RABGAP1L: variants seen among roughly 807,000 people sequenced by gnomAD.
RABGAP1L encodes rab GTPase-activating protein 1-like.
RABGAP1L carries 63 observed loss-of-function variants against 137.7 expected under a neutral mutation model. That is an observed-to-expected ratio of 0.46 (90% confidence interval 0.37 to 0.56). RABGAP1L has a LOEUF of 0.56. Among genes scored for constraint, RABGAP1L ranks in the 20% least tolerant of loss-of-function variants. RABGAP1L has a pLI of 0.00. For synonymous variants in RABGAP1L, 431 were observed against 433.7 expected, an observed-to-expected ratio of 0.99 and a Z score of 0.08; for missense variants, 1,095 against 1,244.0, an observed-to-expected ratio of 0.88 and a Z score of 1.80.
chr1:174,728,613 T>TG (rs1682197910), intron 17 of RABGAP1L, among the ~76,000 whole-genome samples: 2 of 149,698 alleles, frequency 1.3e-5, no homozygotes, highest in African/African-American at 5.0e-5. Context: ...TTTTTTTTTT[T>TG]TTGAGATGGA....
At chr1:174,798,911 C>T (rs567207303) in intron 18 of RABGAP1L, among the ~76,000 whole-genome samples, 2 of 152,288 alleles carry the variant, frequency 1.3e-5, no homozygotes, top group South Asian at 4.1e-4. Context: ...ATTTTGCCTT[C>T]ATTTGGCTAC....
rs1677893105 is a variant in RABGAP1L at position 174,679,528 on chromosome 1, C to T, written c.1825-3994C>T. Among the ~76,000 whole-genome samples, 3 of 152,136 alleles carry T rather than the reference C, an allele frequency of 2.0e-5. No individual in the cohort carries two copies. In the South Asian group the frequency reaches 6.2e-4, roughly 32 times the overall value. On this transcript the variant is annotated intron_variant, in intron 14 of 25. Coordinates refer to ENST00000681986, the MANE Select transcript of RABGAP1L (RefSeq NM_001366446.1). Reference sequence around the variant, plus strand: ...AAGATCTGGAAGAAGACAAAGATGTCCTTCCTCTTTGAGCACTTATATTCA... The same window carrying T: ...AAGATCTGGAAGAAGACAAAGATGTTCTTCCTCTTTGAGCACTTATATTCA...
intron 13 of RABGAP1L, among the ~76,000 whole-genome samples, chr1:174,441,884 G>C (rs1654202273): frequency 9.3e-5 from 14 of 150,550 alleles, no homozygotes. Flanking sequence ...AGGCTTAGTG[G>C]GTCAAAGGCA....
At chr1:174,849,008 C>G (rs981481123) in intron 19 of RABGAP1L, among the ~76,000 whole-genome samples, 1 of 152,140 alleles carries the variant, frequency 6.6e-6, no homozygotes, top group Non-Finnish European at 1.5e-5. Context: ...CGTCCGTCAC[C>G]GCTTTCTTTG....
intron 14 of RABGAP1L, among the ~76,000 whole-genome samples, chr1:174,650,512 G>T (rs903132661): frequency 3.6e-4 from 55 of 152,162 alleles, no homozygotes; most frequent in Non-Finnish European, 4.4e-4. Context: ...CAATTTCAGA[G>T]CCTGTTATTG....
chr1:174,724,658 A>G (rs1272690958), intron 17 of RABGAP1L, among the ~76,000 whole-genome samples: 2 of 152,240 alleles, frequency 1.3e-5, no homozygotes, highest in East Asian at 1.9e-4. Flanking sequence ...AAATAGTCCT[A>G]ACATAACATA....
intron 17 of RABGAP1L, among the ~76,000 whole-genome samples, chr1:174,750,608 G>A (rs1684274012): frequency 6.6e-6 from 1 of 152,160 alleles, no homozygotes; most frequent in Non-Finnish European, 1.5e-5. Flanking sequence ...AACATGGAGT[G>A]GAGTTTCCAA....
intron 13 of RABGAP1L, among the ~76,000 whole-genome samples, chr1:174,568,511 A>AT (rs1667733908): frequency 6.6e-6 from 1 of 152,180 alleles, no homozygotes; most frequent in Non-Finnish European, 1.5e-5. Context: ...GGTGGTTACC[A>AT]TTTTTTATCA....
chr1:174,862,894 A>C (rs1296442083), intron 19 of RABGAP1L, among the ~76,000 whole-genome samples: 1 of 151,722 alleles, frequency 6.6e-6, no homozygotes, highest in Non-Finnish European at 1.5e-5. Flanking sequence ...TTTTATGATT[A>C]ATTCTTTTCT....
intron 11 of RABGAP1L, among the ~76,000 whole-genome samples, chr1:174,317,014 C>T (rs992980718): frequency 2.0e-5 from 3 of 151,920 alleles, no homozygotes; most frequent in Non-Finnish European, 4.4e-5. Flanking sequence ...TGAATGCTTC[C>T]TGGCCTGGGA....
intron 18 of RABGAP1L, among the ~76,000 whole-genome samples, chr1:174,801,467 T>C (rs1688752427): frequency 6.6e-6 from 1 of 152,210 alleles, no homozygotes; most frequent in African/African-American, 2.4e-5. Context: ...TCTTTATGTA[T>C]GTATTTACAT....
chr1:174,420,080 C>T (rs185284160), intron 13 of RABGAP1L, among the ~76,000 whole-genome samples: 9 of 152,150 alleles, frequency 5.9e-5, no homozygotes, highest in Non-Finnish European at 8.8e-5. Context: ...TTCCTTCTCT[C>T]GGGTTATATA....
chr1:174,344,197 A>G (rs1682234830), intron 11 of RABGAP1L, among the ~76,000 whole-genome samples: 1 of 152,222 alleles, frequency 6.6e-6, no homozygotes, highest in Admixed American at 6.5e-5. Flanking sequence ...CTAAAAGCAT[A>G]TAGTACTTGA....
At chr1:174,771,660 GCACT>G (rs1366820593) in intron 18 of RABGAP1L, among the ~76,000 whole-genome samples, 2 of 152,016 alleles carry the variant, frequency 1.3e-5, no homozygotes, top group Non-Finnish European at 2.9e-5. Flanking sequence ...GTATTTTCTA[GCACT>G]CACACCTCTG....
intron 13 of RABGAP1L, among the ~76,000 whole-genome samples, chr1:174,517,124 A>T (rs1032211417): frequency 1.3e-5 from 2 of 152,008 alleles, no homozygotes; most frequent in Non-Finnish European, 2.9e-5. Context: ...AAAAGCTCAG[A>T]TACAGACGTG....
rs1230528811 is a variant in RABGAP1L at position 174,595,542 on chromosome 1, G to A, written c.1711-41833G>A. On this transcript the variant is annotated intron_variant, in intron 13 of 25. Transcript: ENST00000681986. ...GTACAGATGGGTTTTCGGTGTAGAT[G>A]TCCTTTCTGGTTGTTAGTTTTCCTT... Among the ~76,000 whole-genome samples the A allele has an allele frequency of 7.2e-4, 86 of 119,782 alleles. 1 individual carries two copies. The highest frequency in any genetic ancestry group is 2.1e-3 in the South Asian group (7 of 3,368). The allele number at this position is 119,782 out of a possible 152,430, so 78.6% of individuals were successfully genotyped here.
chr1:174,609,598 G>A (rs560118377), intron 13 of RABGAP1L, among the ~76,000 whole-genome samples: 1 of 152,228 alleles, frequency 6.6e-6, no homozygotes, highest in East Asian at 1.9e-4. Context: ...TACACTGAAT[G>A]GGAATTTTCT....
At chr1:174,555,590 A>G (rs931922326) in intron 13 of RABGAP1L, among the ~76,000 whole-genome samples, 3 of 152,228 alleles carry the variant, frequency 2.0e-5, no homozygotes, top group Admixed American at 6.5e-5. Context: ...AATAGTGAAG[A>G]TATAGATATA....
At chr1:174,537,793 A>T (rs1025332603) in intron 13 of RABGAP1L, among the ~76,000 whole-genome samples, 1 of 152,208 alleles carries the variant, frequency 6.6e-6, no homozygotes, top group Non-Finnish European at 1.5e-5. Flanking sequence ...AAGAACACAA[A>T]AAAGTTATAA....
Sources: gnomAD v4.1 joint callset for allele counts (sites outside exome capture counted in the v4.1 genomes callset) on GRCh38, gnomAD v4.1.1 for gene constraint, MANE v1.5 for transcripts, NCBI Gene and HGNC (gene_info 2026-07-23, HGNC 2026-07-21) for gene names.